The following ACER3 variants were observed in gnomAD, a reference collection of about 807,000 sequenced individuals.
ACER3 encodes the protein alkCDase 3.
A neutral mutation model predicts 48.9 loss-of-function variants in ACER3; 16 were observed. The observed-to-expected ratio is 0.33, with a 90% CI of 0.22 to 0.50. ACER3 has a LOEUF of 0.50. ACER3 is among the 20% of genes least tolerant of loss of function. The pLI is 0.98. For missense variants in ACER3, 227 were observed against 326.0 expected, an observed-to-expected ratio of 0.70 and a Z score of 2.34; for synonymous variants, 109 against 107.8, an observed-to-expected ratio of 1.01 and a Z score of -0.07.
chr11:76,923,275 A>G (rs906022000), intron 1 of ACER3, among the ~76,000 whole-genome samples: 2 of 152,202 alleles, frequency 1.3e-5, no homozygotes, highest in Non-Finnish European at 1.5e-5. Flanking sequence ...AAAACAAGAT[A>G]GTAACATATC....
intron 3 of ACER3, among the ~76,000 whole-genome samples, chr11:76,970,474 A>G (rs1470562971): frequency 1.3e-5 from 2 of 152,194 alleles, no homozygotes; most frequent in Non-Finnish European, 2.9e-5. Flanking sequence ...TAAAATTCAA[A>G]GACTGATGAA....
intron 2 of ACER3, among the ~76,000 whole-genome samples, chr11:76,928,742 G>C (rs1470172752): frequency 7.2e-5 from 11 of 152,234 alleles, no homozygotes; most frequent in Non-Finnish European, 1.6e-4. Context: ...TCTTGTTTTT[G>C]TCAGATTTGT....
chr11:76,992,849 C>T (rs553968378), intron 6 of ACER3, among the ~76,000 whole-genome samples: 2 of 148,812 alleles, frequency 1.3e-5, no homozygotes, highest in Non-Finnish European at 3.0e-5. Flanking sequence ...GAGCTGGCTT[C>T]CTCGTTGTTC....
At chr11:76,899,087 A>C (rs535206801) in intron 1 of ACER3, among the ~76,000 whole-genome samples, 56 of 152,250 alleles carry the variant, frequency 3.7e-4, no homozygotes, top group African/African-American at 1.3e-3. Context: ...GATTTCAAAG[A>C]GAAAGCACTA....
rs36108857 is a variant in ACER3, at chr11:76,996,719, CT to C, written c.439-2022del. The stretch of plus-strand genomic sequence containing the variant: ...ACAGGCATGAGCCACCCCACCCAGC[CT>C]TTTTTTTTTTTTTTTTTTTTTCTGA... On this transcript the variant is annotated intron_variant, in intron 6 of 10. Coordinates refer to ENST00000532485, the MANE Select transcript of ACER3 (RefSeq NM_018367.7). Among the ~76,000 whole-genome samples the C allele has an allele frequency of 8.2e-4, 114 of 138,712 alleles. 1 individual carries two copies. The highest frequency in any genetic ancestry group is 2.3e-3 in the African/African-American group (82 of 36,092). 91.0% of individuals were successfully genotyped at this position (138,712 alleles called of 152,430 possible). A position where few individuals can be genotyped will look rare whatever the true frequency, so the allele number is the denominator to read the frequency against.
chr11:76,920,468 A>G (rs1946656267), intron 1 of ACER3, among the ~76,000 whole-genome samples: 1 of 151,882 alleles, frequency 6.6e-6, no homozygotes, highest in South Asian at 2.1e-4. Context: ...CCTCTTTTTT[A>G]ATGCTCTATC....
chr11:76,941,037 A>ACG lies in ACER3; in HGVS notation c.214+14371_214+14372insGC, dbSNP rs912752587. 2.9e-5 allele frequency among the ~76,000 whole-genome samples: 4 copies of ACG among 136,536 alleles called. No homozygotes were observed. In the South Asian group the frequency reaches 6.4e-4, roughly 22 times the overall value. The allele number at this position is 136,536 out of a possible 152,430, so 89.6% of individuals were successfully genotyped here. On this transcript the variant is annotated intron_variant, in intron 2 of 10. Transcript: ENST00000532485. ...AACACACACACACACACACACACACACACGCACACACACACGCACACAGAA... is the reference window on the plus strand; with the variant it reads ...AACACACACACACACACACACACACACGCACGCACACACACACGCACACAGAA...
rs1555024328 is a variant in ACER3 at position 77,020,845 on chromosome 11, G to T, written c.*518G>T. On this transcript the variant is annotated 3_prime_UTR_variant, in exon 11 of 11. Transcript: ENST00000532485. ...TGGTTCTCAAAGGTAAAAAAAGAGA[G>T]AGAAAGAGAGAGAGCTAGCTGTGGG... 1 of 154,264 alleles carries T rather than the reference G, an allele frequency of 6.5e-6. No individual in the cohort carries two copies. The highest frequency in any genetic ancestry group is 6.5e-5 in the Admixed American group (1 of 15,480). 9.6% of individuals were successfully genotyped at this position (154,264 alleles called of 1,614,324 possible).
chr11:76,993,068 G>A (rs1430602732), intron 6 of ACER3, among the ~76,000 whole-genome samples: 1 of 152,098 alleles, frequency 6.6e-6, no homozygotes, highest in Non-Finnish European at 1.5e-5. Flanking sequence ...GTTTTACCGT[G>A]TTGCCCGGCA....
intron 1 of ACER3, among the ~76,000 whole-genome samples, chr11:76,872,918 T>C (rs1472925992): frequency 7.2e-6 from 1 of 139,516 alleles, no homozygotes; most frequent in Admixed American, 6.9e-5. Flanking sequence ...TTTCTTTTTT[T>C]TTTTTTTTTT....
intron 2 of ACER3, among the ~76,000 whole-genome samples, chr11:76,952,163 C>T (rs191854766): frequency 3.7e-3 from 555 of 151,634 alleles, no homozygotes; most frequent in Non-Finnish European, 5.7e-3. Context: ...CACACACACA[C>T]ACACATATAA....
At chr11:76,914,340 A>G (rs1475343841) in intron 1 of ACER3, among the ~76,000 whole-genome samples, 1 of 152,210 alleles carries the variant, frequency 6.6e-6, no homozygotes. Flanking sequence ...AAGAACTCAA[A>G]CAAATTTACA....
intron 2 of ACER3, chr11:76,955,626 A>G (rs1309335298): frequency 6.6e-6 from 1 of 152,258 alleles, no homozygotes; most frequent in African/African-American, 2.4e-5. Flanking sequence ...TCTTACTCTT[A>G]TAAGGGCACT....
At chr11:76,925,696 G>T (rs1209336814) in intron 1 of ACER3, among the ~76,000 whole-genome samples, 1 of 151,990 alleles carries the variant, frequency 6.6e-6, no homozygotes, top group South Asian at 2.1e-4. Context: ...TTCCTTGTTT[G>T]CACTCATTAC....
intron 2 of ACER3, among the ~76,000 whole-genome samples, chr11:76,949,125 G>C (rs1947565140): frequency 6.6e-6 from 1 of 152,068 alleles, no homozygotes; most frequent in Non-Finnish European, 1.5e-5. Context: ...AAAAACTTTG[G>C]CTGGTAGTTT....
chr11:76,917,612 T>G (rs1019663447), intron 1 of ACER3, among the ~76,000 whole-genome samples: 1 of 152,068 alleles, frequency 6.6e-6, no homozygotes, highest in African/African-American at 2.4e-5. Context: ...ATCTAAGCAC[T>G]TTGGGAGGCC....
chr11:76,932,956 T>C (rs967225887), intron 2 of ACER3, among the ~76,000 whole-genome samples: 3 of 151,688 alleles, frequency 2.0e-5, no homozygotes, highest in African/African-American at 7.3e-5. Flanking sequence ...TGTCTAAAGG[T>C]AAAGGCCTTG....
At chr11:76,926,875 A>G (rs537926739) in intron 2 of ACER3, among the ~76,000 whole-genome samples, 1 of 152,378 alleles carries the variant, frequency 6.6e-6, no homozygotes, top group African/African-American at 2.4e-5. Context: ...TTTTAAGCAT[A>G]CAAAAAAGAA....
At chr11:76,936,743 A>G (rs1403168128) in intron 2 of ACER3, among the ~76,000 whole-genome samples, 4 of 148,484 alleles carry the variant, frequency 2.7e-5, no homozygotes, top group African/African-American at 4.9e-5. Flanking sequence ...TTTAAGACAG[A>G]GTCTCGCTCT....
Sources: allele counts gnomAD v4.1 joint callset (sites outside exome capture counted in the v4.1 genomes callset), GRCh38; gene constraint gnomAD v4.1.1; transcripts MANE v1.5; gene names NCBI Gene and HGNC (gene_info 2026-07-23, HGNC 2026-07-21).